FRMD6: variants seen among roughly 807,000 people sequenced by gnomAD.
The protein encoded by FRMD6 is FERM domain containing 6, also known as FERM domain-containing protein 6.
In FRMD6, 37 loss-of-function variants were observed where a neutral mutation model predicts 73.2. The ratio of observed to expected loss-of-function variants is 0.51; its 90% CI spans 0.39 to 0.66. The LOEUF is 0.66. Ranked by LOEUF, FRMD6 falls within the 30% of genes least tolerant of loss-of-function variation. The pLI is 0.00. For missense variants in FRMD6, 714 were observed against 780.5 expected (o/e 0.91, Z 1.02); for synonymous variants, 273 against 282.2 (o/e 0.97, Z 0.33).
the FRMD6 span, among the ~76,000 whole-genome samples, chr14:51,416,248 G>T: frequency 2.0e-5 from 3 of 152,224 alleles, no homozygotes; most frequent in African/African-American, 7.2e-5. Context: ...TGATGTTAGG[G>T]TGTCAATTTT....
chr14:51,726,829 C>G (rs938934798), intron 13 of FRMD6, among the ~76,000 whole-genome samples: 6 of 152,248 alleles, frequency 3.9e-5, no homozygotes, highest in African/African-American at 1.4e-4. Flanking sequence ...GTGACACTTC[C>G]TAGTAAAACA....
the FRMD6 span, among the ~76,000 whole-genome samples, chr14:51,438,553 A>G: frequency 1.3e-5 from 2 of 152,126 alleles, no homozygotes; most frequent in Non-Finnish European, 2.9e-5. Context: ...ATATTTTTTG[A>G]TACACACTTT....
chr14:51,704,987 T>C, intron 6 of FRMD6, 52 bp downstream of exon 6: 2 of 1,505,864 alleles, frequency 1.3e-6, no homozygotes, highest in Non-Finnish European at 1.8e-6. Flanking sequence ...GCATTTCTAG[T>C]TCGTAGTGTT....
At chr14:51,438,165 C>T in the FRMD6 span, among the ~76,000 whole-genome samples, 1 of 152,208 alleles carries the variant, frequency 6.6e-6, no homozygotes, top group Non-Finnish European at 1.5e-5. Flanking sequence ...TCTGCTTTGG[C>T]ATGTTCAATT....
At chr14:51,662,699 G>A (rs147410631) in intron 1 of FRMD6, among the ~76,000 whole-genome samples, 2 of 152,286 alleles carry the variant, frequency 1.3e-5, no homozygotes, top group Non-Finnish European at 2.9e-5. Flanking sequence ...AACCCTGGAA[G>A]ACAACCTAGG....
chr14:51,464,557 G>A, the FRMD6 span, among the ~76,000 whole-genome samples: 1 of 152,286 alleles, frequency 6.6e-6, no homozygotes, highest in Non-Finnish European at 1.5e-5. Context: ...GCGGGGATGG[G>A]GTAGAGCTGA....
At position 51,664,481 on chromosome 14, in the gene FRMD6, C is replaced by T. The variant is rs141075311; in HGVS notation, c.-147+12485C>T. Among the ~76,000 whole-genome samples the T allele has an allele frequency of 2.4e-3, 358 of 152,318 alleles. 1 individual carries two copies. Among genetic ancestry groups the T allele is most frequent in the African/African-American group, 7.5e-3 (311 of 41,566 alleles). Reference sequence around the variant, plus strand: ...TTCTCTAAGCTTATTAAAATGCTAACACATAGGCCTTTAATGCATACGTAT... The same window carrying T: ...TTCTCTAAGCTTATTAAAATGCTAATACATAGGCCTTTAATGCATACGTAT... On this transcript the variant is annotated intron_variant, in intron 1 of 13. Coordinates refer to ENST00000344768, the MANE Select transcript of FRMD6 (RefSeq NM_001267046.2).
rs748860055 is a variant in FRMD6 at position 51,722,059 on chromosome 14, C to T, written c.1471C>T (p.Arg491Trp). The change falls in exon 12 of 14, where the codon CGG (arginine) becomes TGG (tryptophan). Residue 491 changes from arginine (R) to tryptophan (W), a missense_variant. Transcript: ENST00000344768. The part of the protein sequence containing the change: ...IYITEDMLMS[R>W]KLNGHSGLIV... The stretch of plus-strand genomic sequence containing the variant: ...CATCACAGAGGACATGCTCATGTCG[C>T]GGAAGCTGAATGGACACTCTGGTGA... 3.1e-6 allele frequency: 5 copies of T among 1,613,976 alleles called. No individual in the cohort carries two copies. Among genetic ancestry groups the T allele is most frequent in the South Asian group, 2.2e-5 (2 of 91,066 alleles).
At chr14:51,562,103 G>T (rs543296532) in intron 1 of FRMD6, among the ~76,000 whole-genome samples, 9 of 152,302 alleles carry the variant, frequency 5.9e-5, no homozygotes, top group Non-Finnish European at 1.3e-4. Context: ...ACTCCAAGAC[G>T]AGTTGAGCGA....
the FRMD6 span, among the ~76,000 whole-genome samples, chr14:51,405,040 C>G: frequency 3.3e-5 from 5 of 152,126 alleles, no homozygotes; most frequent in African/African-American, 1.2e-4. Context: ...GGTTTTCTGT[C>G]CCTGCCTTCG....
At chr14:51,476,232 A>C in the FRMD6 span, among the ~76,000 whole-genome samples, 2 of 152,192 alleles carry the variant, frequency 1.3e-5, no homozygotes, top group East Asian at 3.9e-4. Flanking sequence ...ATGCTATGTA[A>C]TAAAAAGGAC....
At chr14:51,574,463 C>T (rs1395403780) in intron 2 of FRMD6, among the ~76,000 whole-genome samples, 1 of 152,120 alleles carries the variant, frequency 6.6e-6, no homozygotes. Context: ...GGTATGTATG[C>T]ACAACGGAGT....
chr14:51,590,680 G>A (rs1295402936), intron 2 of FRMD6, among the ~76,000 whole-genome samples: 1 of 152,188 alleles, frequency 6.6e-6, no homozygotes, highest in Non-Finnish European at 1.5e-5. Context: ...GAGGTGAAGG[G>A]ATATTTGCTT....
chr14:51,642,978 G>A (rs1398343836), intron 2 of FRMD6, among the ~76,000 whole-genome samples: 2 of 152,148 alleles, frequency 1.3e-5, no homozygotes, highest in Admixed American at 1.3e-4. Context: ...GAAAGATACG[G>A]AAAAATCTGT....
chr14:51,429,143 G>A, the FRMD6 span, among the ~76,000 whole-genome samples: 2 of 152,156 alleles, frequency 1.3e-5, no homozygotes, highest in African/African-American at 2.4e-5. Context: ...TAAAGCATGT[G>A]TGTGAAGTCA....
chr14:51,396,558 T>C, the FRMD6 span, among the ~76,000 whole-genome samples: 3 of 152,210 alleles, frequency 2.0e-5, no homozygotes, highest in East Asian at 5.8e-4. Context: ...CTGAAGTTAA[T>C]GATTCAGGAG....
Position 51,704,772 on chromosome 14 carries a change from A to T in FRMD6, c.395A>T (p.Tyr132Phe). Residue 132 changes from tyrosine (Y) to phenylalanine (F), a missense_variant, in exon 6 of 14, where the codon TAT becomes TTT. Physicochemically the swap from Tyr to Phe is conservative, Grantham distance 22. Transcript: ENST00000344768. Reference sequence around the variant, plus strand: ...AGTGACAGAGCAGCAAGATACTATTATTACTGGCACCTGAGAAAACAAGTT... The same window carrying T: ...AGTGACAGAGCAGCAAGATACTATTTTTACTGGCACCTGAGAAAACAAGTT... ...LISDRAARYYYYWHLRKQVLH... is the reference protein window; with the variant it reads ...LISDRAARYYFYWHLRKQVLH... 1.2e-6 allele frequency: 2 copies of T among 1,612,738 alleles called. No individual in the cohort carries two copies. Among genetic ancestry groups the T allele is most frequent in the Non-Finnish European group, 8.5e-7 (1 of 1,179,252 alleles).
At chr14:51,480,880 G>A in the FRMD6 span, among the ~76,000 whole-genome samples, 2 of 152,168 alleles carry the variant, frequency 1.3e-5, no homozygotes, top group South Asian at 2.1e-4. Flanking sequence ...GGCATGTCAC[G>A]GTGTGATGGT....
At chr14:51,478,231 A>G in the FRMD6 span, among the ~76,000 whole-genome samples, 841 of 152,358 alleles carry the variant, frequency 5.5e-3, 4 homozygotes, top group African/African-American at 0.019. Flanking sequence ...TCTGGCTTCA[A>G]CTGGCAATGA....
Sources: gnomAD v4.1 joint callset for allele counts (sites outside exome capture counted in the v4.1 genomes callset) on GRCh38, gnomAD v4.1.1 for gene constraint, MANE v1.5 for transcripts, NCBI Gene and HGNC (gene_info 2026-07-23, HGNC 2026-07-21) for gene names.